The following HS6ST2 variants were observed in gnomAD, a reference collection of about 807,000 sequenced individuals.
HS6ST2 encodes heparan sulfate 6-O-sulfotransferase 2, also known as heparan-sulfate 6-O-sulfotransferase 2.
Under a neutral mutation model 33.0 loss-of-function variants are expected in HS6ST2, and 17 were observed. That is an observed-to-expected ratio of 0.52 (90% CI 0.35 to 0.77). The LOEUF (loss-of-function observed/expected upper bound fraction) is 0.77, where lower values mean the gene tolerates loss of function less well. Among genes scored for constraint, HS6ST2 ranks in the 30% least tolerant of loss-of-function variants. HS6ST2 has a pLI of 0.01. For synonymous variants in HS6ST2, 248 were observed against 237.1 expected (o/e 1.05, Z -0.42); for missense variants, 519 against 551.7 (o/e 0.94, Z 0.59).
chrX:132,689,698 A>G (rs2064045591), intron 3 of HS6ST2, among the ~76,000 whole-genome samples: 1 of 112,042 alleles, frequency 8.9e-6, no homozygotes, highest in Non-Finnish European at 1.9e-5. Context: ...CCCAATGTCT[A>G]AACTCCCCTC....
intron 2 of HS6ST2, among the ~76,000 whole-genome samples, chrX:132,934,062 G>A (rs933001547): frequency 1.2e-5 from 1 of 83,004 alleles, no homozygotes; most frequent in East Asian, 3.4e-4. Flanking sequence ...AGATAATAAT[G>A]TAATAATAAA....
At chrX:132,753,668 T>C (rs1048735429) in intron 2 of HS6ST2, among the ~76,000 whole-genome samples, 5 of 111,826 alleles carry the variant, frequency 4.5e-5, no homozygotes, top group African/African-American at 1.6e-4. Context: ...CGGGTATGTC[T>C]TTATTAGCAG....
At chrX:132,868,156 T>C (rs1046496501) in intron 2 of HS6ST2, among the ~76,000 whole-genome samples, 1 of 111,526 alleles carries the variant, frequency 9.0e-6, no homozygotes, top group African/African-American at 3.3e-5. Context: ...TGAAACAGAC[T>C]TTAAACCAAC....
chrX:132,637,748 ATATATATATAAAATATTATATATT>A (rs2063558809), intron 4 of HS6ST2, among the ~76,000 whole-genome samples: 1 of 78,738 alleles, frequency 1.3e-5, no homozygotes, highest in Non-Finnish European at 2.3e-5. Flanking sequence ...TATATAAAAA[ATATATATATAAAATATTATATATT>A]TATATATATA....
chrX:132,785,808 C>A (rs2065056030), intron 2 of HS6ST2, among the ~76,000 whole-genome samples: 1 of 111,599 alleles, frequency 9.0e-6, no homozygotes, highest in Non-Finnish European at 1.9e-5. Flanking sequence ...CTCATCCTTG[C>A]AATTACTATG....
intron 2 of HS6ST2, among the ~76,000 whole-genome samples, chrX:132,803,701 G>A (rs1336662029): frequency 1.8e-5 from 2 of 112,051 alleles, no homozygotes; most frequent in African/African-American, 3.2e-5. Flanking sequence ...GAGCCACAGT[G>A]CCAGGTCCTC....
intron 2 of HS6ST2, among the ~76,000 whole-genome samples, chrX:132,712,764 G>A (rs778710459): frequency 2.2e-4 from 25 of 111,853 alleles, no homozygotes; most frequent in Non-Finnish European, 4.1e-4. Context: ...GGTAGCTCAC[G>A]CCTGTAATCC....
chrX:132,695,322 C>G (rs1269476538), intron 3 of HS6ST2, among the ~76,000 whole-genome samples: 2 of 111,681 alleles, frequency 1.8e-5, no homozygotes, highest in African/African-American at 6.5e-5. Flanking sequence ...GATTGTTATC[C>G]TAATGCACTA....
chrX:132,920,659 G>A (rs763362296), intron 2 of HS6ST2, among the ~76,000 whole-genome samples: 40 of 112,661 alleles, frequency 3.6e-4, no homozygotes, highest in Non-Finnish European at 6.0e-4. Flanking sequence ...TAGACATCAA[G>A]TTATTGGGGT....
chrX:132,942,986 C>G (rs2066903478), intron 2 of HS6ST2, among the ~76,000 whole-genome samples: 2 of 112,053 alleles, frequency 1.8e-5, no homozygotes, highest in African/African-American at 6.5e-5. Context: ...TCTCTAGCGC[C>G]TTTTTTCATT....
At chrX:132,789,607 C>T (rs1392639916) in intron 2 of HS6ST2, among the ~76,000 whole-genome samples, 4 of 112,239 alleles carry the variant, frequency 3.6e-5, no homozygotes, top group Admixed American at 1.9e-4. Context: ...GCTATAGCTG[C>T]CATATTGATT....
At chrX:132,804,439 T>C (rs2065261740) in intron 2 of HS6ST2, among the ~76,000 whole-genome samples, 1 of 111,827 alleles carries the variant, frequency 8.9e-6, no homozygotes, top group Admixed American at 9.5e-5. Context: ...AGCCCACAAG[T>C]TGCTATACTA....
At chrX:132,885,836 C>T (rs2066245296) in intron 2 of HS6ST2, among the ~76,000 whole-genome samples, 1 of 111,583 alleles carries the variant, frequency 9.0e-6, no homozygotes, top group African/African-American at 3.3e-5. Flanking sequence ...AAACTGAGCA[C>T]AGACATCGGG....
At chrX:132,637,968 TTA>T (rs200433709) in intron 4 of HS6ST2, among the ~76,000 whole-genome samples, 2 of 75,708 alleles carry the variant, frequency 2.6e-5, no homozygotes, top group African/African-American at 5.0e-5. Flanking sequence ...ATAAAATATT[TTA>T]TATATATATA....
chrX:132,863,123 G>A (rs973564173), intron 2 of HS6ST2, among the ~76,000 whole-genome samples: 1 of 111,831 alleles, frequency 8.9e-6, no homozygotes. Context: ...ATGCATGGAA[G>A]TATTTCAACT....
At chrX:132,843,333 G>A (rs1399359273) in intron 2 of HS6ST2, among the ~76,000 whole-genome samples, 2 of 111,820 alleles carry the variant, frequency 1.8e-5, no homozygotes, top group Non-Finnish European at 3.8e-5. Flanking sequence ...CCACTTACAT[G>A]GGTTTTGGTG....
At chrX:132,820,286 A>G (rs2065438651) in intron 2 of HS6ST2, among the ~76,000 whole-genome samples, 3 of 111,216 alleles carry the variant, frequency 2.7e-5, no homozygotes, top group Admixed American at 9.5e-5. Context: ...GTCTTTGTCC[A>G]AAATAGACAG....
At chrX:132,651,830 C>T (rs2063695102) in intron 4 of HS6ST2, among the ~76,000 whole-genome samples, 1 of 111,658 alleles carries the variant, frequency 9.0e-6, no homozygotes, top group South Asian at 3.8e-4. Flanking sequence ...TGGGAATCAG[C>T]AGCAGTAGGT....
At chrX:132,674,921 G>C (rs2063912368) in intron 3 of HS6ST2, among the ~76,000 whole-genome samples, 1 of 111,909 alleles carries the variant, frequency 8.9e-6, no homozygotes. Flanking sequence ...GGCTGGGCTG[G>C]AATGGCAGTT....
Sources: allele counts gnomAD v4.1 joint callset (sites outside exome capture counted in the v4.1 genomes callset), GRCh38; gene constraint gnomAD v4.1.1; transcripts MANE v1.5; gene names NCBI Gene and HGNC (gene_info 2026-07-23, HGNC 2026-07-21).